Variants in HTT observed in about 807,000 individuals in gnomAD.
HTT encodes huntington disease protein.
Under a neutral mutation model 362.3 loss-of-function variants are expected in HTT, and 104 were observed. The observed-to-expected ratio is 0.29, with a 90% confidence interval of 0.24 to 0.34. The LOEUF is 0.34. Ranked by LOEUF, HTT falls within the 10% of genes least tolerant of loss-of-function variation. The probability of loss-of-function intolerance (pLI) is 1.00; values close to 1 mark genes in which losing one functional copy is unlikely to be tolerated. For synonymous variants in HTT, 1,577 were observed against 1,548.7 expected (o/e 1.02, Z -0.43); for missense variants, 3,301 against 3,928.6 (o/e 0.84, Z 4.27).
chr4:3,241,628 A>G lies in HTT; in HGVS notation c.*1569A>G, dbSNP rs1188772823. On this transcript the variant is annotated 3_prime_UTR_variant, in exon 67 of 67. Transcript: ENST00000355072. ...GTATTGAATGTGGTAAGTGGAGGAAATGTTGGAACTCTGTGCAGGTGCTGC... is the reference window on the plus strand; with the variant it reads ...GTATTGAATGTGGTAAGTGGAGGAAGTGTTGGAACTCTGTGCAGGTGCTGC... The G allele has an allele frequency of 6.6e-6, 1 of 152,278 alleles. No individual in the cohort carries two copies. Among genetic ancestry groups the G allele is most frequent in the Non-Finnish European group, 1.5e-5 (1 of 68,084 alleles). 9.4% of individuals were successfully genotyped at this position (152,278 alleles called of 1,614,324 possible).
chr4:3,166,892 T>TC (rs1717741439), intron 29 of HTT, among the ~76,000 whole-genome samples: 1 of 152,212 alleles, frequency 6.6e-6, no homozygotes, highest in Admixed American at 6.5e-5. Context: ...CCCTTGTGCT[T>TC]CCCAGGTGAG....
intron 5 of HTT, 50 bp downstream of exon 5, chr4:3,105,486 T>C (rs779362228): frequency 2.6e-6 from 3 of 1,148,648 alleles, no homozygotes; most frequent in Non-Finnish European, 4.0e-6. Context: ...CAGCTGCTAC[T>C]GATCCTTTAT....
At chr4:3,174,691 C>T (rs745948935) in intron 31 of HTT, 30 bp from the exon 32 acceptor site, 2 of 1,547,464 alleles carry the variant, frequency 1.3e-6, no homozygotes, top group Admixed American at 1.7e-5. Flanking sequence ...TATTCTCATT[C>T]TCTGCTTCCC....
At chr4:3,118,928 G>T (rs1315675348) in intron 8 of HTT, among the ~76,000 whole-genome samples, 1 of 152,204 alleles carries the variant, frequency 6.6e-6, no homozygotes, top group Non-Finnish European at 1.5e-5. Flanking sequence ...TTCAGCAAAT[G>T]TAGTTTGGCT....
chr4:3,140,295 C>T (rs780062714), intron 21 of HTT, among the ~76,000 whole-genome samples: 3 of 151,586 alleles, frequency 2.0e-5, no homozygotes, highest in Non-Finnish European at 4.4e-5. Flanking sequence ...GAAAGTACAG[C>T]ACCCAGTTAT....
Position 3,127,296 on chromosome 4 carries a change from G to C in HTT, c.1435G>C (p.Ala479Pro), listed in dbSNP as rs148032171. 81 of 1,614,136 alleles carry C rather than the reference G, an allele frequency of 5.0e-5. No homozygotes were observed. The East Asian group carries it at 1.7e-3, about 35-fold the overall frequency. The change falls in exon 12 of 67, where the codon GCT becomes CCT. Residue 479 changes from alanine (A) to proline (P), a missense_variant. Around this residue, in one of 4 missense-constraint regions of HTT, gnomAD observed 2,316 missense variants for 2,658.5 expected, o/e 0.87. Transcript: ENST00000355072. ...SVKDEISGEL[A>P]ASSGVSTPGS... Reference sequence around the variant, plus strand: ...GAAGGATGAGATCAGTGGAGAGCTGGCTGCTTCTTCAGGGGTTTCCACTCC... The same window carrying C: ...GAAGGATGAGATCAGTGGAGAGCTGCCTGCTTCTTCAGGGGTTTCCACTCC...
chr4:3,236,346 G>A (rs575299568), intron 64 of HTT, 92 bp downstream of exon 64: 24 of 892,072 alleles, frequency 2.7e-5, no homozygotes, highest in African/African-American at 1.6e-4. Flanking sequence ...ATCCCCTGGC[G>A]CTGTTGCTGG....
At chr4:3,229,311 C>T (rs1163065535) in intron 59 of HTT, among the ~76,000 whole-genome samples, 2 of 147,824 alleles carry the variant, frequency 1.4e-5, no homozygotes, top group Non-Finnish European at 3.0e-5. Flanking sequence ...ACCACACACA[C>T]ACACACACAC....
intron 51 of HTT, among the ~76,000 whole-genome samples, chr4:3,216,371 T>C (rs1335999840): frequency 3.3e-5 from 5 of 152,212 alleles, no homozygotes; most frequent in African/African-American, 9.6e-5. Context: ...ACTCTGCATC[T>C]TCCAGCCGAG....
intron 37 of HTT, 70 bp downstream of exon 37, chr4:3,182,540 G>T: frequency 1.1e-6 from 1 of 951,518 alleles, no homozygotes; most frequent in Non-Finnish European, 1.7e-6. Flanking sequence ...AAAGGTGGGT[G>T]GCTGGAATCA....
At position 3,074,696 on chromosome 4, in the gene HTT, C is replaced by A; in HGVS notation, c.-130C>A. 1.0e-6 allele frequency: 1 copy of A among 1,004,944 alleles called. No individual in the cohort carries two copies. Among genetic ancestry groups the A allele is most frequent in the South Asian group, 1.9e-5 (1 of 52,358 alleles). 62.3% of individuals were successfully genotyped at this position (1,004,944 alleles called of 1,614,324 possible). A position where few individuals can be genotyped will look rare whatever the true frequency, so the allele number is the denominator to read the frequency against. ...CGCCGTGGGGGCTGCCGGGACGGGT[C>A]CAAGATGGACGGCCGCTCAGGTTCT... On this transcript the variant is annotated 5_prime_UTR_variant, in exon 1 of 67. Coordinates refer to ENST00000355072, the MANE Select transcript of HTT (RefSeq NM_001388492.1).
At chr4:3,197,990 A>G (rs74737633) in intron 40 of HTT, among the ~76,000 whole-genome samples, 1,703 of 152,268 alleles carry the variant, frequency 0.011, 10 homozygotes, top group Middle Eastern at 0.027. Flanking sequence ...GGAGGGGACA[A>G]TGCTGACCAG....
chr4:3,191,562 G>A (rs952425422), intron 40 of HTT, among the ~76,000 whole-genome samples: 3 of 152,090 alleles, frequency 2.0e-5, no homozygotes, highest in Non-Finnish European at 4.4e-5. Flanking sequence ...AAATGTCTTC[G>A]GTTCTGATGA....
Position 3,242,512 on chromosome 4 carries a change from CGCCAGGTCAAGTTA to C in HTT, c.*2457_*2470del, listed in dbSNP as rs1721853066. On this transcript the variant is annotated 3_prime_UTR_variant, in exon 67 of 67. Coordinates refer to ENST00000355072, the MANE Select transcript of HTT (RefSeq NM_001388492.1). ...CCTGGAAGTTGACTTTCCTTAGACC[CGCCAGGTCAAGTTA>C]GCCGCGTGACGGACATCCAGGCGTG... 6.6e-6 allele frequency: 1 copy of C among 152,134 alleles called. No individual in the cohort carries two copies. Among genetic ancestry groups the C allele is most frequent in the African/African-American group, 2.4e-5 (1 of 41,416 alleles). The allele number at this position is 152,134 out of a possible 1,614,324, so 9.4% of individuals were successfully genotyped here.
chr4:3,090,082 T>G (rs886307041), intron 2 of HTT, among the ~76,000 whole-genome samples: 3 of 152,240 alleles, frequency 2.0e-5, no homozygotes, highest in Non-Finnish European at 2.9e-5. Flanking sequence ...CGCTGTTTCC[T>G]GTTAACTCTC....
chr4:3,175,485 T>A (rs2110234856), intron 33 of HTT, among the ~76,000 whole-genome samples: 1 of 152,350 alleles, frequency 6.6e-6, no homozygotes, highest in South Asian at 2.1e-4. Context: ...GATTATCAAT[T>A]ATTACCATAA....
intron 22 of HTT, among the ~76,000 whole-genome samples, chr4:3,141,553 AG>A (rs1418386016): frequency 6.6e-6 from 1 of 152,218 alleles, no homozygotes; most frequent in Non-Finnish European, 1.5e-5. Context: ...GCTTGAGCTC[AG>A]GGGTTCAAGA....
intron 12 of HTT, among the ~76,000 whole-genome samples, chr4:3,127,862 G>T (rs1715598283): frequency 6.6e-6 from 1 of 151,884 alleles, no homozygotes; most frequent in Non-Finnish European, 1.5e-5. Flanking sequence ...TGTTAGGGAG[G>T]CTGAGGCAGG....
intron 14 of HTT, among the ~76,000 whole-genome samples, chr4:3,130,938 C>G (rs576799071): frequency 6.6e-6 from 1 of 152,218 alleles, no homozygotes; most frequent in East Asian, 1.9e-4. Context: ...TTGCCTTTCC[C>G]CAAGTAGCTT....
Sources: allele counts gnomAD v4.1 joint callset (sites outside exome capture counted in the v4.1 genomes callset), GRCh38; gene constraint gnomAD v4.1.1; regional missense constraint gnomAD v4.1.1; transcripts MANE v1.5; gene names NCBI Gene and HGNC (gene_info 2026-07-23, HGNC 2026-07-21).